Variants in NRG1 observed in about 807,000 individuals in gnomAD.
NRG1 encodes pro-neuregulin-1, membrane-bound isoform.
NRG1 carries 18 observed loss-of-function variants against 63.8 expected under a neutral mutation model. That is an observed-to-expected ratio of 0.28 (90% CI 0.19 to 0.42). The LOEUF (loss-of-function observed/expected upper bound fraction) is 0.42, where lower values mean the gene tolerates loss of function less well. NRG1 is among the 10% of genes least tolerant of loss of function. NRG1 has a pLI of 1.00. For synonymous variants in NRG1, 302 were observed against 301.3 expected, an observed-to-expected ratio of 1.00 and a Z score of -0.02; for missense variants, 762 against 814.7, an observed-to-expected ratio of 0.94 and a Z score of 0.79.
At chr8:32,138,790 T>C (rs1040809569) in intron 1 of NRG1, among the ~76,000 whole-genome samples, 1 of 152,036 alleles carries the variant, frequency 6.6e-6, no homozygotes, top group African/African-American at 2.4e-5. Context: ...CTGTTTTCAA[T>C]GTTTTTGAAC....
intron 1 of NRG1, among the ~76,000 whole-genome samples, chr8:32,186,358 G>A (rs1841963345): frequency 6.6e-6 from 1 of 151,926 alleles, no homozygotes; most frequent in South Asian, 2.1e-4. Flanking sequence ...CTACTCAGGA[G>A]GCTGAGGCAG....
At chr8:31,728,607 G>A (rs531863528) in intron 1 of NRG1, among the ~76,000 whole-genome samples, 54 of 152,230 alleles carry the variant, frequency 3.5e-4, no homozygotes, top group African/African-American at 1.2e-3. Context: ...GAAAGCTGGT[G>A]TGTTAAATTG....
At chr8:32,683,931 A>G (rs1333877847) in intron 5 of NRG1, among the ~76,000 whole-genome samples, 3 of 151,354 alleles carry the variant, frequency 2.0e-5, no homozygotes, top group Non-Finnish European at 4.4e-5. Context: ...ACAGTGGGTC[A>G]TGCCTGTGAT....
At chr8:32,244,940 A>C (rs2129469937) in intron 1 of NRG1, among the ~76,000 whole-genome samples, 1 of 152,248 alleles carries the variant, frequency 6.6e-6, no homozygotes, top group African/African-American at 2.4e-5. Flanking sequence ...CAAATTCCAA[A>C]AGGTGGGTGG....
At chr8:31,737,167 G>A (rs553039465) in intron 1 of NRG1, among the ~76,000 whole-genome samples, 4 of 152,076 alleles carry the variant, frequency 2.6e-5, no homozygotes, top group Admixed American at 6.6e-5. Flanking sequence ...GAGCCTAGAA[G>A]TGGTGTGAGA....
intron 1 of NRG1, among the ~76,000 whole-genome samples, chr8:32,098,401 G>T (rs942867035): frequency 6.6e-6 from 1 of 152,200 alleles, no homozygotes; most frequent in Non-Finnish European, 1.5e-5. Context: ...GATATATGTG[G>T]CTGTTAAACA....
chr8:32,242,625 A>G (rs1848219032), intron 1 of NRG1, among the ~76,000 whole-genome samples: 1 of 152,206 alleles, frequency 6.6e-6, no homozygotes, highest in Admixed American at 6.6e-5. Flanking sequence ...TCATATTAAA[A>G]TGACAAAAAC....
At chr8:32,651,262 A>C (rs189031440) in intron 5 of NRG1, among the ~76,000 whole-genome samples, 411 of 152,292 alleles carry the variant, frequency 2.7e-3, no homozygotes, top group Non-Finnish European at 4.7e-3. Flanking sequence ...GTAGGTCTTA[A>C]GAAGTCCAAT....
chr8:32,186,102 AAACTCATATCTAAT>A (rs1841935019), intron 1 of NRG1, among the ~76,000 whole-genome samples: 1 of 152,214 alleles, frequency 6.6e-6, no homozygotes, highest in African/African-American at 2.4e-5. Context: ...TCTGGCTATT[AAACTCATATCTAAT>A]GCTATTTGGC....
intron 1 of NRG1, among the ~76,000 whole-genome samples, chr8:32,396,665 G>T (rs1223470172): frequency 6.6e-6 from 1 of 152,112 alleles, no homozygotes; most frequent in Non-Finnish European, 1.5e-5. Flanking sequence ...TTAGGCTAGT[G>T]TTGAACTCCT....
chr8:31,765,321 T>C (rs574443252), intron 1 of NRG1, among the ~76,000 whole-genome samples: 1 of 152,278 alleles, frequency 6.6e-6, no homozygotes. Context: ...CTACCATTTA[T>C]TTCGTTTTCT....
At chr8:32,512,218 G>A (rs189636462) in intron 1 of NRG1, among the ~76,000 whole-genome samples, 5 of 152,170 alleles carry the variant, frequency 3.3e-5, no homozygotes, top group Admixed American at 1.3e-4. Context: ...TAATACAGAC[G>A]TACATATTTG....
At chr8:32,540,014 T>G (rs1224605073) in intron 1 of NRG1, among the ~76,000 whole-genome samples, 1 of 151,968 alleles carries the variant, frequency 6.6e-6, no homozygotes, top group African/African-American at 2.4e-5. Flanking sequence ...CTTGAACTGA[T>G]AAACAAAAAA....
intron 1 of NRG1, among the ~76,000 whole-genome samples, chr8:31,934,230 C>A (rs1170049868): frequency 1.3e-5 from 2 of 151,858 alleles, no homozygotes; most frequent in Non-Finnish European, 2.9e-5. Context: ...CTGTTCCCTG[C>A]CTCCATGTGG....
intron 1 of NRG1, among the ~76,000 whole-genome samples, chr8:31,916,135 T>G (rs1165533583): frequency 6.6e-6 from 1 of 152,186 alleles, no homozygotes; most frequent in Non-Finnish European, 1.5e-5. Context: ...ACAGTTTGGC[T>G]ACATTATCTA....
chr8:32,723,218 T>C (rs1379958411), intron 5 of NRG1, among the ~76,000 whole-genome samples: 1 of 152,268 alleles, frequency 6.6e-6, no homozygotes, highest in Admixed American at 6.5e-5. Flanking sequence ...CAGCTAATAA[T>C]TGGAAAATTG....
intron 1 of NRG1, among the ~76,000 whole-genome samples, chr8:32,360,563 A>G (rs183548977): frequency 3.3e-5 from 5 of 152,172 alleles, no homozygotes; most frequent in Non-Finnish European, 1.5e-5. Flanking sequence ...AACTTTAAAC[A>G]TTTTATAATT....
At chr8:31,877,588 A>G (rs1232605147) in intron 1 of NRG1, among the ~76,000 whole-genome samples, 4 of 152,070 alleles carry the variant, frequency 2.6e-5, no homozygotes, top group African/African-American at 9.7e-5. Flanking sequence ...AGAAAATCTT[A>G]CTTCTATAAA....
chr8:32,751,616 G>A (rs183779711), intron 7 of NRG1, among the ~76,000 whole-genome samples: 2 of 152,252 alleles, frequency 1.3e-5, no homozygotes, highest in Admixed American at 1.3e-4. Flanking sequence ...GAGGATAAGG[G>A]TTGTAGTGCA....
Sources: allele counts gnomAD v4.1 joint callset (sites outside exome capture counted in the v4.1 genomes callset), GRCh38; gene constraint gnomAD v4.1.1; transcripts MANE v1.5; gene names NCBI Gene and HGNC (gene_info 2026-07-23, HGNC 2026-07-21).